The following CACNA2D4 variants were observed in gnomAD, a reference collection of about 807,000 sequenced individuals.
CACNA2D4 encodes voltage-dependent calcium channel subunit alpha-2/delta-4.
In CACNA2D4, 157 loss-of-function variants were observed where a neutral mutation model predicts 163.8. That is an observed-to-expected ratio of 0.96 (90% CI 0.84 to 1.09). CACNA2D4 has a LOEUF of 1.09. Ranked by LOEUF, CACNA2D4 falls within the 50% of genes least tolerant of loss-of-function variation. The pLI, the probability that CACNA2D4 is intolerant of heterozygous loss-of-function variation, is 0.00. For synonymous variants in CACNA2D4, 598 were observed against 586.9 expected (o/e 1.02, Z -0.27); for missense variants, 1,410 against 1,479.9 (o/e 0.95, Z 0.78).
intron 1 of CACNA2D4, among the ~76,000 whole-genome samples, chr12:1,916,888 G>A (rs1427604803): frequency 6.6e-6 from 1 of 152,180 alleles, no homozygotes; most frequent in Non-Finnish European, 1.5e-5. Context: ...TGTGCAGGCT[G>A]TTGTCTCTGG....
chr12:1,809,452 G>A (rs1360535337), intron 29 of CACNA2D4: 5 of 683,086 alleles, frequency 7.3e-6, no homozygotes, highest in Middle Eastern at 2.3e-4. Flanking sequence ...CTTTCCCCGA[G>A]GCTCAGGCAG....
intron 1 of CACNA2D4, 76 bp downstream of exon 1, chr12:1,918,171 G>T: frequency 9.0e-7 from 1 of 1,109,516 alleles, no homozygotes; most frequent in Non-Finnish European, 1.3e-6. Context: ...AGTGGGCAGA[G>T]GATGGAGGCC....
At chr12:1,854,544 C>T (rs1443809374) in intron 22 of CACNA2D4, among the ~76,000 whole-genome samples, 2 of 152,098 alleles carry the variant, frequency 1.3e-5, no homozygotes, top group Non-Finnish European at 2.9e-5. Context: ...TAGCTGGGAC[C>T]ACAGGTGCAC....
chr12:1,887,793 G>A (rs1866184953), intron 6 of CACNA2D4, among the ~76,000 whole-genome samples: 1 of 152,148 alleles, frequency 6.6e-6, no homozygotes, highest in Non-Finnish European at 1.5e-5. Context: ...GGGTTTAAAA[G>A]AAGAAGAGTA....
At chr12:1,863,839 T>C (rs1206233454) in intron 18 of CACNA2D4, among the ~76,000 whole-genome samples, 5 of 150,478 alleles carry the variant, frequency 3.3e-5, no homozygotes, top group Non-Finnish European at 7.4e-5. Context: ...TCTAATATTG[T>C]ACACAGCGCA....
Position 1,874,611 on chromosome 12 carries a change from T to G in CACNA2D4, c.1871A>C (p.Asp624Ala). Residue 624 changes from aspartate (D) to alanine (A), a missense_variant, in exon 18 of 38, where the codon GAT becomes GCT. Transcript: ENST00000382722. The surrounding 1 kb of genome is among the most constrained non-coding windows in gnomAD (Gnocchi z 4.4). ...TLSMDVKVPM[D>A]KGKRVLFLTN... Reference sequence around the variant, plus strand: ...CTGTTTCTAGCTCCTTACCCCTTTATCCATCGGAACCTTCACATCCATCGA... The same window carrying G: ...CTGTTTCTAGCTCCTTACCCCTTTAGCCATCGGAACCTTCACATCCATCGA... The G allele has an allele frequency of 6.2e-7, 1 of 1,610,692 alleles. No individual in the cohort carries two copies. The highest frequency in any genetic ancestry group is 8.5e-7 in the Non-Finnish European group (1 of 1,176,998).
At chr12:1,832,153 A>G (rs938540847) in intron 26 of CACNA2D4, among the ~76,000 whole-genome samples, 33 of 152,194 alleles carry the variant, frequency 2.2e-4, no homozygotes, top group African/African-American at 7.7e-4. Context: ...GACCTATGAC[A>G]TGATCACATG....
intron 27 of CACNA2D4, 72 bp from the exon 28 acceptor site, chr12:1,810,659 CTG>C (rs369712381): frequency 5.5e-6 from 8 of 1,444,324 alleles, no homozygotes; most frequent in South Asian, 4.9e-5. Flanking sequence ...AGTGGGAATG[CTG>C]TGTGTGTGGT....
Position 1,875,756 on chromosome 12 carries a change from T to C in CACNA2D4, c.1720-419A>G, listed in dbSNP as rs1232958673. Among the ~76,000 whole-genome samples the C allele has an allele frequency of 1.3e-5, 2 of 152,210 alleles. No homozygotes were observed. On this transcript the variant is annotated intron_variant, in intron 16 of 37. Transcript: ENST00000382722. This position sits in a 1 kb window ranked among gnomAD's most constrained non-coding sequence, Gnocchi z 4.0. ...AGCCCCTGGGATTTCCAAAGATACT[T>C]GTCACGCCTAAGACTTCACTGCTCC... is the stretch of plus-strand genomic sequence containing the variant.
intron 18 of CACNA2D4, among the ~76,000 whole-genome samples, chr12:1,867,958 C>A (rs1368402367): frequency 6.6e-6 from 1 of 152,114 alleles, no homozygotes; most frequent in Non-Finnish European, 1.5e-5. Flanking sequence ...ACCAAAAAGA[C>A]AAGAAATAAG....
At chr12:1,831,286 C>A in intron 26 of CACNA2D4, 3 of 1,613,716 alleles carry the variant, frequency 1.9e-6, no homozygotes, top group Non-Finnish European at 2.5e-6. Context: ...CGGCACTCGC[C>A]GCTGCTCCGC....
At chr12:1,866,044 G>A (rs72653429) in intron 18 of CACNA2D4, among the ~76,000 whole-genome samples, 9,527 of 152,190 alleles carry the variant, frequency 0.063, 811 homozygotes, top group East Asian at 0.43. Flanking sequence ...GACCTACAGT[G>A]CAAGGCTGAA....
At position 1,882,726 on chromosome 12, in the gene CACNA2D4, C is replaced by T. The variant is rs2429178; in HGVS notation, c.1485+141G>A. ...AAAGAGGAGGAAAAGCATGGAAAAG[C>T]GGCTTCATTCGCCCCTTCTTAATGT... On this transcript the variant is annotated intron_variant, in intron 13 of 37. Transcript: ENST00000382722. 1,505 of 800,852 alleles carry T rather than the reference C, an allele frequency of 1.9e-3. 17 individuals are homozygous for T. In the African/African-American group the frequency reaches 0.023, roughly 12 times the overall value. 49.6% of individuals were successfully genotyped at this position (800,852 alleles called of 1,614,324 possible). A position where few individuals can be genotyped will look rare whatever the true frequency, so the allele number is the denominator to read the frequency against.
rs202130308 is a variant in CACNA2D4 at position 1,800,385 on chromosome 12, C to T, written c.2921+1G>A. 86 of 1,613,834 alleles carry T rather than the reference C, an allele frequency of 5.3e-5. No individual in the cohort carries two copies. Among genetic ancestry groups the T allele is most frequent in the Non-Finnish European group, 7.0e-5 (83 of 1,179,864 alleles). ...CCAGCCCCGTGTCTACCCCCACTCA[C>T]AGCACCAGCTCCTGCAGCAGCCACC... On this transcript the variant is annotated splice_donor_variant, in intron 32 of 37. Transcript: ENST00000382722. LOFTEE classifies it high-confidence loss of function.
chr12:1,802,031 G>A lies in CACNA2D4; in HGVS notation c.2722-387C>T, dbSNP rs1344945243. Reference sequence around the variant, plus strand: ...TTTTATATGCTGTGTGTGTGTGTGTGTGTGTGTGTGTGTGTGTGTGTGTGT... The same window carrying A: ...TTTTATATGCTGTGTGTGTGTGTGTATGTGTGTGTGTGTGTGTGTGTGTGT... On this transcript the variant is annotated intron_variant, in intron 29 of 37. Coordinates refer to ENST00000382722, the MANE Select transcript of CACNA2D4 (RefSeq NM_172364.5). The surrounding 1 kb of genome is among the most constrained non-coding windows in gnomAD (Gnocchi z 4.7). Among the ~76,000 whole-genome samples the A allele has an allele frequency of 6.9e-6, 1 of 145,828 alleles. No individual in the cohort carries two copies. Among genetic ancestry groups the A allele is most frequent in the Non-Finnish European group, 1.5e-5 (1 of 67,252 alleles).
intron 18 of CACNA2D4, among the ~76,000 whole-genome samples, chr12:1,870,690 C>A (rs1397298084): frequency 6.6e-6 from 1 of 151,826 alleles, no homozygotes; most frequent in Non-Finnish European, 1.5e-5. Flanking sequence ...CAAGCTACAC[C>A]TTACTCAAAT....
intron 6 of CACNA2D4, among the ~76,000 whole-genome samples, chr12:1,892,426 A>G (rs1366930151): frequency 2.6e-5 from 4 of 152,228 alleles, no homozygotes; most frequent in Non-Finnish European, 4.4e-5. Flanking sequence ...TGTCCTGAAA[A>G]AGAAAGGACA....
intron 6 of CACNA2D4, among the ~76,000 whole-genome samples, chr12:1,889,430 T>A (rs964652220): frequency 2.6e-5 from 4 of 152,170 alleles, no homozygotes; most frequent in African/African-American, 4.8e-5. Flanking sequence ...AATAAAGAGA[T>A]GGAAGCACAA....
chr12:1,837,886 G>A lies in CACNA2D4; in HGVS notation c.2551+2853C>T, dbSNP rs537140062. 5.3e-5 allele frequency among the ~76,000 whole-genome samples: 8 copies of A among 152,324 alleles called. No individual in the cohort carries two copies. The South Asian group carries it at 1.7e-3, about 32-fold the overall frequency. On this transcript the variant is annotated intron_variant, in intron 26 of 37. Transcript: ENST00000382722. ...TGTAATTCAAATGTCATGGTTCCCA[G>A]ATAGAAGCCCTCAAAGGTCTGAAGG...
Sources: allele counts gnomAD v4.1 joint callset (sites outside exome capture counted in the v4.1 genomes callset), GRCh38; gene constraint gnomAD v4.1.1; non-coding constraint Gnocchi (gnomAD v3.1); transcripts MANE v1.5; gene names NCBI Gene and HGNC (gene_info 2026-07-23, HGNC 2026-07-21).